GPHN: variants seen among roughly 807,000 people sequenced by gnomAD.
GPHN encodes gephyrin.
GPHN carries 17 observed loss-of-function variants against 95.5 expected under a neutral mutation model. The observed-to-expected ratio is 0.18, with a 90% CI of 0.12 to 0.27. The LOEUF (loss-of-function observed/expected upper bound fraction) is 0.27, where lower values mean the gene tolerates loss of function less well. GPHN is among the 10% of genes least tolerant of loss of function. The probability of loss-of-function intolerance (pLI) is 1.00; values close to 1 mark genes in which losing one functional copy is unlikely to be tolerated. For missense variants in GPHN, 660 were observed against 978.1 expected, an observed-to-expected ratio of 0.67 and a Z score of 4.34; for synonymous variants, 320 against 322.5, an observed-to-expected ratio of 0.99 and a Z score of 0.08.
chr14:67,656,449 T>C, the GPHN span: 1 of 1,613,604 alleles, frequency 6.2e-7, no homozygotes, highest in East Asian at 2.2e-5. Flanking sequence ...GGTCTCGTTG[T>C]TCCCCCAGCT....
the GPHN span, among the ~76,000 whole-genome samples, chr14:67,244,540 TC>T: frequency 2.0e-5 from 3 of 152,186 alleles, no homozygotes; most frequent in South Asian, 6.2e-4. Flanking sequence ...CAATTCCAAC[TC>T]AGAGAGCTGT....
chr14:66,669,274 G>A (rs1426499094), intron 1 of GPHN, among the ~76,000 whole-genome samples: 1 of 151,274 alleles, frequency 6.6e-6, no homozygotes. Flanking sequence ...TGAGGCGGGA[G>A]AATCGCTTGA....
At chr14:66,929,159 G>A (rs1279083768) in intron 8 of GPHN, among the ~76,000 whole-genome samples, 10 of 150,906 alleles carry the variant, frequency 6.6e-5, no homozygotes, top group African/African-American at 2.2e-4. Context: ...AGGTTCAAGC[G>A]ATTCTCCTGC....
chr14:67,124,182 G>C (rs1038070960), intron 17 of GPHN, among the ~76,000 whole-genome samples: 1 of 152,066 alleles, frequency 6.6e-6, no homozygotes, highest in African/African-American at 2.4e-5. Context: ...AAGGCAGGTG[G>C]ATCACCTGAG....
At chr14:66,782,080 G>T (rs966647126) in intron 3 of GPHN, among the ~76,000 whole-genome samples, 1 of 152,050 alleles carries the variant, frequency 6.6e-6, no homozygotes, top group Admixed American at 6.5e-5. Flanking sequence ...TGACTAAATT[G>T]ATACAATATT....
chr14:66,829,353 G>A (rs1300141074), intron 4 of GPHN, among the ~76,000 whole-genome samples: 1 of 152,030 alleles, frequency 6.6e-6, no homozygotes, highest in Non-Finnish European at 1.5e-5. Context: ...CTCCCAAAGT[G>A]CTGAGATTAC....
intron 9 of GPHN, among the ~76,000 whole-genome samples, chr14:66,990,184 G>A (rs2071314754): frequency 6.6e-6 from 1 of 152,030 alleles, no homozygotes; most frequent in South Asian, 2.1e-4. Context: ...GATCTAGTGA[G>A]AACTCCCTCA....
At chr14:66,842,202 A>G (rs992089947) in intron 4 of GPHN, among the ~76,000 whole-genome samples, 1 of 152,108 alleles carries the variant, frequency 6.6e-6, no homozygotes, top group African/African-American at 2.4e-5. Context: ...ACAATTGATG[A>G]GATCACCAAG....
At chr14:67,009,791 T>C (rs935036969) in intron 9 of GPHN, among the ~76,000 whole-genome samples, 1 of 152,088 alleles carries the variant, frequency 6.6e-6, no homozygotes. Flanking sequence ...TTTTTGTTTT[T>C]TTAGACACCC....
chr14:67,616,292 GCC>G, the GPHN span: 1 of 148,512 alleles, frequency 6.7e-6, no homozygotes, highest in African/African-American at 2.7e-5. Context: ...TTTTTTAATA[GCC>G]TCCATACTGT....
the GPHN span, chr14:67,727,400 T>C: frequency 1.7e-6 from 1 of 574,674 alleles, no homozygotes; most frequent in East Asian, 3.0e-5. Context: ...AAAAGTTACC[T>C]TGTATTTGTG....
intron 3 of GPHN, among the ~76,000 whole-genome samples, chr14:66,780,076 T>C (rs1012302367): frequency 2.0e-5 from 3 of 152,194 alleles, no homozygotes; most frequent in Non-Finnish European, 4.4e-5. Flanking sequence ...ATTGGATGTT[T>C]AGGGGAAATT....
At chr14:66,830,156 C>T (rs2061533124) in intron 4 of GPHN, among the ~76,000 whole-genome samples, 2 of 152,238 alleles carry the variant, frequency 1.3e-5, no homozygotes, top group African/African-American at 4.8e-5. Flanking sequence ...AGTTTGTCCA[C>T]CCATGGCCTT....
the GPHN span, among the ~76,000 whole-genome samples, chr14:67,478,324 T>C: frequency 6.6e-6 from 1 of 152,206 alleles, no homozygotes; most frequent in East Asian, 1.9e-4. Context: ...AGCCACCAAG[T>C]CAGCTACTAA....
At chr14:67,307,506 G>C in the GPHN span, among the ~76,000 whole-genome samples, 1 of 152,180 alleles carries the variant, frequency 6.6e-6, no homozygotes, top group Non-Finnish European at 1.5e-5. Flanking sequence ...TATGTACTCT[G>C]TGCCAGGCAC....
intron 3 of GPHN, among the ~76,000 whole-genome samples, chr14:66,812,532 A>G (rs2060804038): frequency 6.6e-6 from 1 of 152,180 alleles, no homozygotes. Flanking sequence ...TCAAGCAGTA[A>G]AGGAACATAT....
At chr14:67,254,034 C>T in the GPHN span, among the ~76,000 whole-genome samples, 5 of 143,390 alleles carry the variant, frequency 3.5e-5, no homozygotes, top group Admixed American at 7.1e-5. Flanking sequence ...ATCCCCCCCC[C>T]CTTACAAGTT....
At chr14:67,422,769 G>A in the GPHN span, among the ~76,000 whole-genome samples, 14 of 151,574 alleles carry the variant, frequency 9.2e-5, no homozygotes, top group Admixed American at 3.9e-4. Flanking sequence ...ATGAGTAGGC[G>A]ATTCCAGAGT....
chr14:67,701,213 T>C, the GPHN span, among the ~76,000 whole-genome samples: 3 of 151,848 alleles, frequency 2.0e-5, no homozygotes, highest in Non-Finnish European at 4.4e-5. Context: ...GAGATATAAA[T>C]TTGAGAAGTT....
Sources: allele counts gnomAD v4.1 joint callset (sites outside exome capture counted in the v4.1 genomes callset), GRCh38; gene constraint gnomAD v4.1.1; transcripts MANE v1.5; gene names NCBI Gene and HGNC (gene_info 2026-07-23, HGNC 2026-07-21).